EHD2: variants seen among roughly 807,000 people sequenced by gnomAD.
The protein encoded by EHD2 is EH domain containing 2, also known as EH domain-containing protein 2.
In EHD2, 27 loss-of-function variants were observed where a neutral mutation model predicts 41.0. The observed-to-expected ratio is 0.66, with a 90% CI of 0.49 to 0.91. The LOEUF (loss-of-function observed/expected upper bound fraction) is 0.91. Ranked by LOEUF, EHD2 falls within the 40% of genes least tolerant of loss-of-function variation. The probability of loss-of-function intolerance (pLI) is 0.00; values close to 1 mark genes in which losing one functional copy is unlikely to be tolerated. For missense variants in EHD2, 673 were observed against 773.9 expected (o/e 0.87, Z 1.55); for synonymous variants, 342 against 341.0 (o/e 1.00, Z -0.03).
chr19:47,722,724 C>T (rs1289170647), intron 3 of EHD2, among the ~76,000 whole-genome samples: 2 of 152,108 alleles, frequency 1.3e-5, no homozygotes, highest in African/African-American at 4.8e-5. Flanking sequence ...CACCACCACA[C>T]CCAGCTAATT....
At chr19:47,723,795 C>T (rs1174657098) in intron 3 of EHD2, among the ~76,000 whole-genome samples, 1 of 151,740 alleles carries the variant, frequency 6.6e-6, no homozygotes, top group Non-Finnish European at 1.5e-5. Flanking sequence ...CTCTTGCTTC[C>T]TCCTCCTGAG....
rs538717404 is a variant in EHD2, at chr19:47,727,810, A to G, written c.915+1586A>G. On this transcript the variant is annotated intron_variant, in intron 4 of 5. Transcript: ENST00000263277. ...AGTAAACAGACATAAAATAACAATGAAGGCTGGGTGCGGTGGCTCACGCCT... is the reference window on the plus strand; with the variant it reads ...AGTAAACAGACATAAAATAACAATGGAGGCTGGGTGCGGTGGCTCACGCCT... Among the ~76,000 whole-genome samples the G allele has an allele frequency of 3.3e-5, 5 of 151,978 alleles. No homozygotes were observed. The East Asian group carries it at 9.7e-4, about 29-fold the overall frequency.
intron 3 of EHD2, among the ~76,000 whole-genome samples, 187 bp from the exon 4 acceptor site, chr19:47,725,625 T>C (rs968968291): frequency 1.3e-5 from 2 of 152,182 alleles, no homozygotes; most frequent in Admixed American, 1.3e-4. Context: ...TTCTGGGCAC[T>C]GGAGAGCCAG....
At chr19:47,732,280 G>A (rs9710475) in intron 4 of EHD2, 13,323 of 151,858 alleles carry the variant, frequency 0.088, 800 homozygotes, top group Non-Finnish European at 0.13. Flanking sequence ...CCATCAGCCC[G>A]GCTAATTTTT....
chr19:47,723,641 G>A (rs1973719936), intron 3 of EHD2, among the ~76,000 whole-genome samples: 1 of 129,086 alleles, frequency 7.7e-6, no homozygotes, highest in African/African-American at 3.0e-5. Context: ...GGGCGACAGC[G>A]AGACTCCGTC....
chr19:47,717,023 C>T lies in EHD2; in HGVS notation c.404+7C>T. Reference sequence around the variant, plus strand: ...GAAACACCTTCCTCAACAGGTGTGCCAGCCGCGAGCCCAGGGCGCATCTTT... The same window carrying T: ...GAAACACCTTCCTCAACAGGTGTGCTAGCCGCGAGCCCAGGGCGCATCTTT... On this transcript the variant is annotated splice_region_variant and intron_variant, in intron 2 of 5. Coordinates refer to ENST00000263277, the MANE Select transcript of EHD2 (RefSeq NM_014601.4). 6.3e-7 allele frequency: 1 copy of T among 1,599,204 alleles called. No individual in the cohort carries two copies. Among genetic ancestry groups the T allele is most frequent in the Non-Finnish European group, 8.5e-7 (1 of 1,179,910 alleles).
Position 47,719,170 on chromosome 19 carries a change from AG to A in EHD2, c.502+566del, listed in dbSNP as rs1349718165. ...GCGGGCAGGAGCCGCACGTCTGGGC[AG>A]GCAGGAAGGATGGGAAGGGAGAGAT... is the stretch of plus-strand genomic sequence containing the variant. On this transcript the variant is annotated intron_variant, in intron 3 of 5. Transcript: ENST00000263277. The surrounding 1 kb of genome is among the most constrained non-coding windows in gnomAD (Gnocchi z 4.1). Among the ~76,000 whole-genome samples the A allele has an allele frequency of 1.2e-4, 19 of 152,128 alleles. No homozygotes were observed. Among genetic ancestry groups the A allele is most frequent in the Admixed American group, 3.9e-4 (6 of 15,266 alleles).
chr19:47,724,981 CAAAAAAAAAAAAAAAAAAAA>C (rs57660216), intron 3 of EHD2, among the ~76,000 whole-genome samples: 8 of 53,860 alleles, frequency 1.5e-4, no homozygotes, highest in Non-Finnish European at 2.6e-4. Context: ...GACTCTGTCT[CAAAAAAAAAAAAAAAAAAAA>C]AAAAAAAAAA....
At chr19:47,739,982 A>G (rs1014372686) in intron 5 of EHD2, among the ~76,000 whole-genome samples, 1 of 152,082 alleles carries the variant, frequency 6.6e-6, no homozygotes, top group Non-Finnish European at 1.5e-5. Flanking sequence ...AGCCTCTGGG[A>G]CCTTGTTGCC....
chr19:47,713,816 G>C (rs1347846171), intron 1 of EHD2, among the ~76,000 whole-genome samples: 1 of 151,214 alleles, frequency 6.6e-6, no homozygotes, highest in East Asian at 2.0e-4. Flanking sequence ...CTATCCCCTG[G>C]GCTAGAAGAG....
At chr19:47,738,908 C>T (rs1174467938) in intron 5 of EHD2, among the ~76,000 whole-genome samples, 13 of 152,190 alleles carry the variant, frequency 8.5e-5, no homozygotes, top group Middle Eastern at 3.4e-3. Context: ...AGCAGTGTGA[C>T]GCCAAGTCCA....
At chr19:47,713,839 G>A (rs2123629949) in intron 1 of EHD2, among the ~76,000 whole-genome samples, 1 of 151,734 alleles carries the variant, frequency 6.6e-6, no homozygotes, top group African/African-American at 2.4e-5. Flanking sequence ...CCTCTCTGCA[G>A]GGTCTCCCTC....
chr19:47,714,407 C>T (rs1003491964), intron 1 of EHD2, among the ~76,000 whole-genome samples: 14 of 152,036 alleles, frequency 9.2e-5, no homozygotes, highest in Admixed American at 8.5e-4. Context: ...TAAGCATCAA[C>T]GGGGAGCAAT....
At chr19:47,713,760 C>T (rs756436870) in intron 1 of EHD2, among the ~76,000 whole-genome samples, 4 of 151,768 alleles carry the variant, frequency 2.6e-5, no homozygotes, top group Non-Finnish European at 5.9e-5. Context: ...CTTTCGCAGC[C>T]TCTCACACTC....
rs957153509 is a variant in EHD2 at position 47,719,763 on chromosome 19, G to A, written c.502+1157G>A. 6.6e-5 allele frequency among the ~76,000 whole-genome samples: 10 copies of A among 152,004 alleles called. No homozygotes were observed. The highest frequency in any genetic ancestry group is 1.3e-4 in the Admixed American group (2 of 15,268). ...GCCAGCTGAGGGGGAGGAATTCCTG[G>A]GGCTCCCACCCCAGGGCCTGGACCT... On this transcript the variant is annotated intron_variant, in intron 3 of 5. Transcript: ENST00000263277. The surrounding 1 kb of genome is among the most constrained non-coding windows in gnomAD (Gnocchi z 4.1).
At chr19:47,731,314 A>ATACATATATATATATATGTGT (rs1160770476) in intron 4 of EHD2, 1 of 113,988 alleles carries the variant, frequency 8.8e-6, no homozygotes, top group Non-Finnish European at 1.9e-5. Context: ...ATATATATAT[A>ATACATATATATATATATGTGT]ATTTTTTTTT....
Position 47,719,668 on chromosome 19 carries a change from T to G in EHD2, c.502+1062T>G, listed in dbSNP as rs888539627. Among the ~76,000 whole-genome samples the G allele has an allele frequency of 5.9e-5, 9 of 152,206 alleles. No individual in the cohort carries two copies. Among genetic ancestry groups the G allele is most frequent in the Admixed American group, 5.9e-4 (9 of 15,292 alleles). On this transcript the variant is annotated intron_variant, in intron 3 of 5. Transcript: ENST00000263277. This position sits in a 1 kb window ranked among gnomAD's most constrained non-coding sequence, Gnocchi z 4.1. ...GGGACGCTGGGGGTGACCATGTCTC[T>G]GGCTGCCGTCCAGAGGCCCCACGGG...
At chr19:47,726,250 G>T (rs753542739) in intron 4 of EHD2, 26 bp downstream of exon 4, 31 of 1,459,476 alleles carry the variant, frequency 2.1e-5, no homozygotes, top group Non-Finnish European at 1.2e-5. Context: ...GGCTGGGCGC[G>T]CATTCTTGGA....
intron 3 of EHD2, among the ~76,000 whole-genome samples, chr19:47,722,595 C>T (rs1301242143): frequency 3.1e-4 from 46 of 148,340 alleles, no homozygotes; most frequent in Admixed American, 2.0e-3. Context: ...GACGGAGTTT[C>T]GCTCTTGTTG....
Sources: allele counts gnomAD v4.1 joint callset (sites outside exome capture counted in the v4.1 genomes callset), GRCh38; gene constraint gnomAD v4.1.1; non-coding constraint Gnocchi (gnomAD v3.1); transcripts MANE v1.5; gene names NCBI Gene and HGNC (gene_info 2026-07-23, HGNC 2026-07-21).